The following EML4 variants were observed in gnomAD, a reference collection of about 807,000 sequenced individuals.
EML4 encodes EMAP like 4.
In EML4, 72 loss-of-function variants were observed where a neutral mutation model predicts 129.0. The ratio of observed to expected loss-of-function variants is 0.56; its 90% CI spans 0.46 to 0.68. The LOEUF is 0.68. EML4 is among the 30% of genes least tolerant of loss of function. The pLI, the probability that EML4 is intolerant of heterozygous loss-of-function variation, is 0.00. For synonymous variants in EML4, 532 were observed against 405.0 expected, an observed-to-expected ratio of 1.31 and a Z score of -3.77; for missense variants, 1,363 against 1,190.6, an observed-to-expected ratio of 1.14 and a Z score of -2.13.
rs921384222 is a variant in EML4 at position 42,323,699 on chromosome 2, TG to T, written c.2155-1764del. Among the ~76,000 whole-genome samples, 10 of 150,864 alleles carry T rather than the reference TG, an allele frequency of 6.6e-5. No homozygotes were observed. The East Asian group carries it at 2.0e-3, about 30-fold the overall frequency. ...CTATAATCCCAGCACTTTGGGAGGC[TG>T]GGGCAAGTGGATAACTTCAGGTCAG... On this transcript the variant is annotated intron_variant, in intron 19 of 22. Transcript: ENST00000318522.
chr2:42,307,237 T>C (rs1051694844), intron 17 of EML4, among the ~76,000 whole-genome samples: 1 of 152,238 alleles, frequency 6.6e-6, no homozygotes. Context: ...AGCATTTACA[T>C]AGCTGTGAAG....
Position 42,261,271 on chromosome 2 carries a change from C to G in EML4, c.489C>G (p.Ser163Arg), listed in dbSNP as rs777291102. 5 of 1,613,458 alleles carry G rather than the reference C, an allele frequency of 3.1e-6. No individual in the cohort carries two copies. The Admixed American group carries it at 8.3e-5, about 27-fold the overall frequency. ...AAATACACAGACAAACTCCAGAAAG[C>G]AAGAATGCTACTCCCACCAAAAGGT... ...PLQIHRQTPE[S>R]KNATPTKSIK... The change falls in exon 4 of 23, where the codon AGC becomes AGG. Residue 163 changes from serine to arginine, a missense_variant. Transcript: ENST00000318522.
At chr2:42,229,933 AAAAAAACCAT>A (rs1196011019) in intron 1 of EML4, among the ~76,000 whole-genome samples, 2 of 151,960 alleles carry the variant, frequency 1.3e-5, no homozygotes, top group Non-Finnish European at 2.9e-5. Context: ...TCAGAGAAAG[AAAAAAACCAT>A]AAAAAGGAAG....
chr2:42,210,651 T>C (rs1322843789), intron 1 of EML4, among the ~76,000 whole-genome samples: 1 of 152,182 alleles, frequency 6.6e-6, no homozygotes, highest in Non-Finnish European at 1.5e-5. Context: ...TTTTCAGTCA[T>C]TTATTTATTT....
At chr2:42,310,645 C>T (rs1668888467) in intron 17 of EML4, among the ~76,000 whole-genome samples, 1 of 152,186 alleles carries the variant, frequency 6.6e-6, no homozygotes, top group Non-Finnish European at 1.5e-5. Flanking sequence ...CACTCCCAGC[C>T]AGAAGCTTGG....
At chr2:42,188,465 G>A (rs1276996591) in intron 1 of EML4, among the ~76,000 whole-genome samples, 3 of 151,836 alleles carry the variant, frequency 2.0e-5, no homozygotes, top group South Asian at 2.1e-4. Context: ...GAAGTGATCC[G>A]CCAGTCTCAG....
At chr2:42,170,309 T>A (rs896521073) in intron 1 of EML4, 1 of 152,244 alleles carries the variant, frequency 6.6e-6, no homozygotes, top group African/African-American at 2.4e-5. Flanking sequence ...AAGAGGTGCA[T>A]CTGTGTTGGG....
At chr2:42,185,364 G>A (rs1425482322) in intron 1 of EML4, among the ~76,000 whole-genome samples, 1 of 152,198 alleles carries the variant, frequency 6.6e-6, no homozygotes, top group Non-Finnish European at 1.5e-5. Flanking sequence ...GGGATTGTCT[G>A]TAACTGCTGT....
At chr2:42,325,808 A>C (rs938580440) in intron 20 of EML4, among the ~76,000 whole-genome samples, 12 of 151,376 alleles carry the variant, frequency 7.9e-5, no homozygotes, top group Admixed American at 4.6e-4. Flanking sequence ...ATTAATGTTA[A>C]TAGTGTAGAA....
intron 1 of EML4, among the ~76,000 whole-genome samples, chr2:42,172,753 G>GTA (rs928587511): frequency 2.0e-5 from 3 of 151,728 alleles, no homozygotes; most frequent in African/African-American, 7.3e-5. Flanking sequence ...TGTATATACT[G>GTA]TATGTATATT....
At chr2:42,188,017 C>G (rs927465346) in intron 1 of EML4, among the ~76,000 whole-genome samples, 1 of 152,130 alleles carries the variant, frequency 6.6e-6, no homozygotes, top group African/African-American at 2.4e-5. Context: ...GTATAGGGTA[C>G]AAAGTCAAGT....
At chr2:42,182,927 C>G (rs973900024) in intron 1 of EML4, among the ~76,000 whole-genome samples, 1 of 152,096 alleles carries the variant, frequency 6.6e-6, no homozygotes. Flanking sequence ...TCCAGATTTC[C>G]TCTTCTTATA....
At chr2:42,182,504 A>C (rs1671007756) in intron 1 of EML4, among the ~76,000 whole-genome samples, 1 of 152,166 alleles carries the variant, frequency 6.6e-6, no homozygotes, top group Non-Finnish European at 1.5e-5. Context: ...CTCCTCTGCC[A>C]GAATGACCTC....
intron 1 of EML4, among the ~76,000 whole-genome samples, chr2:42,203,069 T>C (rs577718308): frequency 1.3e-5 from 2 of 152,158 alleles, no homozygotes; most frequent in East Asian, 3.9e-4. Context: ...TATTTCAAAA[T>C]AGAATAGAAT....
At chr2:42,313,513 T>C (rs1227548755) in intron 17 of EML4, among the ~76,000 whole-genome samples, 1 of 152,090 alleles carries the variant, frequency 6.6e-6, no homozygotes, top group Non-Finnish European at 1.5e-5. Context: ...CGTTAAACCA[T>C]ACCACTAAGC....
intron 4 of EML4, chr2:42,261,642 A>G (rs1225266051): frequency 1.2e-5 from 2 of 163,494 alleles, no homozygotes; most frequent in South Asian, 2.0e-4. Flanking sequence ...ATTTATAGCC[A>G]TGGATAGAAA....
chr2:42,305,121 AAAT>A (rs774692990), intron 17 of EML4, among the ~76,000 whole-genome samples: 9 of 152,134 alleles, frequency 5.9e-5, no homozygotes, highest in Non-Finnish European at 1.2e-4. Context: ...ATCTCAAAAA[AAAT>A]AATAAGGCGA....
intron 1 of EML4, among the ~76,000 whole-genome samples, chr2:42,188,368 A>G (rs373168726): frequency 6.6e-6 from 1 of 152,022 alleles, no homozygotes; most frequent in Non-Finnish European, 1.5e-5. Context: ...CTACAGGTGC[A>G]CACCACCATG....
intron 8 of EML4, 106 bp from the exon 9 acceptor site, chr2:42,284,528 T>A: frequency 1.6e-6 from 1 of 626,024 alleles, no homozygotes; most frequent in Non-Finnish European, 2.7e-6. Context: ...GATAAACGTA[T>A]GTTTTTTAAC....
Sources: allele counts gnomAD v4.1 joint callset (sites outside exome capture counted in the v4.1 genomes callset), GRCh38; gene constraint gnomAD v4.1.1; transcripts MANE v1.5; gene names NCBI Gene and HGNC (gene_info 2026-07-23, HGNC 2026-07-21).